The following AR variants were observed in gnomAD, a reference collection of about 807,000 sequenced individuals.
AR encodes the protein androgen receptor.
Under a neutral mutation model 53.9 loss-of-function variants are expected in AR, and 8 were observed. That is an observed-to-expected ratio of 0.15 (90% CI 0.09 to 0.27). The LOEUF (loss-of-function observed/expected upper bound fraction) is 0.27. Ranked by LOEUF, AR falls within the 10% of genes least tolerant of loss-of-function variation. The pLI, the probability that AR is intolerant of heterozygous loss-of-function variation, is 1.00. For missense variants in AR, 639 were observed against 742.5 expected, an observed-to-expected ratio of 0.86 and a Z score of 1.62; for synonymous variants, 359 against 316.4, an observed-to-expected ratio of 1.13 and a Z score of -1.43.
At chrX:67,721,611 G>A (rs1172692061) in intron 5 of AR, among the ~76,000 whole-genome samples, 4 of 111,413 alleles carry the variant, frequency 3.6e-5, no homozygotes, top group Non-Finnish European at 7.5e-5. Flanking sequence ...GAGAAGATGA[G>A]TAGTTATCAG....
chrX:67,572,647 A>G (rs184714303), intron 1 of AR, among the ~76,000 whole-genome samples: 288 of 111,464 alleles, frequency 2.6e-3, no homozygotes, highest in African/African-American at 9.0e-3. Context: ...TTTTCTATGA[A>G]CTATCAATTC....
intron 1 of AR, among the ~76,000 whole-genome samples, chrX:67,550,561 C>A (rs753100508): frequency 3.7e-5 from 4 of 109,269 alleles, no homozygotes; most frequent in Non-Finnish European, 5.7e-5. Context: ...CAGTTTCATT[C>A]GGAACCTTGC....
At chrX:67,626,918 A>G (rs1294348684) in intron 1 of AR, among the ~76,000 whole-genome samples, 1 of 103,095 alleles carries the variant, frequency 9.7e-6, no homozygotes, top group Non-Finnish European at 2.0e-5. Flanking sequence ...ACTGAGAATG[A>G]TGATTTCCAA....
At chrX:67,664,932 C>T (rs1233980556) in intron 2 of AR, among the ~76,000 whole-genome samples, 1 of 112,898 alleles carries the variant, frequency 8.9e-6, no homozygotes, top group Non-Finnish European at 1.9e-5. Context: ...AGGATATAAT[C>T]TCCTGGTGTG....
Position 67,546,090 on chromosome X carries a change from G to T in AR, c.944G>T (p.Gly315Val), listed in dbSNP as rs1364038551. ...GCTGAGTATTCCCCTTTCAAGGGAGGTTACACCAAAGGGCTAGAAGGCGAG... is the reference window on the plus strand; with the variant it reads ...GCTGAGTATTCCCCTTTCAAGGGAGTTTACACCAAAGGGCTAGAAGGCGAG... ...DTAEYSPFKGGYTKGLEGESL... is the reference protein window; with the variant it reads ...DTAEYSPFKGVYTKGLEGESL... The change falls in exon 1 of 8, where the codon GGT (glycine) becomes GTT (valine). Residue 315 changes from glycine to valine, a missense_variant. Coordinates refer to ENST00000374690, the MANE Select transcript of AR (RefSeq NM_000044.6). The T allele has an allele frequency of 8.3e-7, 1 of 1,211,205 alleles. No individual in the cohort carries two copies. The highest frequency in any genetic ancestry group is 1.1e-6 in the Non-Finnish European group (1 of 895,473).
chrX:67,626,230 C>T (rs1200490043), intron 1 of AR, among the ~76,000 whole-genome samples: 3 of 110,266 alleles, frequency 2.7e-5, no homozygotes, highest in East Asian at 2.9e-4. Context: ...AGCTACACTT[C>T]GTAGCATCTG....
At chrX:67,695,178 G>T in intron 3 of AR, 1 of 756,841 alleles carries the variant, frequency 1.3e-6, no homozygotes, top group Non-Finnish European at 1.6e-6. Flanking sequence ...AGAAGCAACT[G>T]TGTCTGTCTG....
Position 67,722,317 on chromosome X carries a change from T to A in AR, c.2449+354T>A, listed in dbSNP as rs776262185. 3 of 239,173 alleles carry A rather than the reference T, an allele frequency of 1.3e-5. No individual in the cohort carries two copies. In the East Asian group the frequency reaches 2.9e-4, roughly 23 times the overall value. 19.7% of individuals were successfully genotyped at this position (239,173 alleles called of 1,213,427 possible). A position where few individuals can be genotyped will look rare whatever the true frequency, so the allele number is the denominator to read the frequency against. ...CCACCTTGTATTCTTTGCAGGGCAG[T>A]AGAGCAGGAGGCATTTCCTCCTGGA... On this transcript the variant is annotated intron_variant, in intron 6 of 7. Transcript: ENST00000374690.
intron 2 of AR, among the ~76,000 whole-genome samples, chrX:67,660,217 A>G (rs1307449173): frequency 1.8e-5 from 2 of 112,062 alleles, no homozygotes; most frequent in Admixed American, 1.9e-4. Context: ...CTTTAGTTGA[A>G]TTAGATCCCA....
At chrX:67,715,546 C>T (rs900607824) in intron 4 of AR, among the ~76,000 whole-genome samples, 1 of 111,769 alleles carries the variant, frequency 8.9e-6, no homozygotes, top group African/African-American at 3.3e-5. Flanking sequence ...AGACCTGATC[C>T]TATGGCTGAC....
chrX:67,666,394 C>T (rs957431052), intron 2 of AR, among the ~76,000 whole-genome samples: 2 of 111,912 alleles, frequency 1.8e-5, no homozygotes, highest in African/African-American at 6.5e-5. Context: ...GACAGGATCT[C>T]TTTCTTTTTT....
chrX:67,588,016 G>T (rs1314255181), intron 1 of AR, among the ~76,000 whole-genome samples: 1 of 111,116 alleles, frequency 9.0e-6, no homozygotes, highest in East Asian at 2.8e-4. Flanking sequence ...GTCTTCCAAG[G>T]CCCCCTGTGT....
In AR at chrX:67,546,279, C is replaced by T. The variant is rs1292905043; in HGVS notation, c.1133C>T (p.Pro378Leu). Residue 378 changes from proline to leucine, a missense_variant, in exon 1 of 8, where the codon CCG (proline) becomes CTG (leucine). Coordinates refer to ENST00000374690, the MANE Select transcript of AR (RefSeq NM_000044.6). ...PLALAGPPPP[P>L]PPPHPHARIK... Reference sequence around the variant, plus strand: ...GCTCTGGCCGGACCGCCGCCCCCTCCGCCGCCTCCCCATCCCCACGCTCGC... The same window carrying T: ...GCTCTGGCCGGACCGCCGCCCCCTCTGCCGCCTCCCCATCCCCACGCTCGC... The T allele has an allele frequency of 8.3e-7, 1 of 1,205,203 alleles. No individual in the cohort carries two copies. The highest frequency in any genetic ancestry group is 3.0e-5 in the East Asian group (1 of 33,521).
At chrX:67,717,227 C>T (rs1454726644) in intron 4 of AR, among the ~76,000 whole-genome samples, 3 of 111,969 alleles carry the variant, frequency 2.7e-5, no homozygotes, top group Non-Finnish European at 5.6e-5. Context: ...TCTCTTACAA[C>T]TGACAATGCC....
chrX:67,667,576 T>C (rs1311254177), intron 2 of AR, among the ~76,000 whole-genome samples: 1 of 111,442 alleles, frequency 9.0e-6, no homozygotes, highest in Admixed American at 9.6e-5. Flanking sequence ...ATTTTAGGAT[T>C]ATTTTTTCTA....
At chrX:67,553,623 T>A (rs1930077230) in intron 1 of AR, among the ~76,000 whole-genome samples, 1 of 112,045 alleles carries the variant, frequency 8.9e-6, no homozygotes, top group African/African-American at 3.2e-5. Context: ...CTATATTAAA[T>A]CTGTAAACCA....
chrX:67,624,318 A>C (rs1924516373), intron 1 of AR, among the ~76,000 whole-genome samples: 2 of 112,126 alleles, frequency 1.8e-5, no homozygotes, highest in Middle Eastern at 9.3e-3. Context: ...ATCTAAAGTG[A>C]CCAGTGAAGA....
chrX:67,594,807 G>A (rs1321454803), intron 1 of AR, among the ~76,000 whole-genome samples: 2 of 111,283 alleles, frequency 1.8e-5, no homozygotes, highest in Non-Finnish European at 3.8e-5. Context: ...AAATTAGCTA[G>A]GCGTTGTGGT....
intron 1 of AR, among the ~76,000 whole-genome samples, chrX:67,580,193 G>A (rs955790424): frequency 9.1e-5 from 10 of 109,652 alleles, no homozygotes; most frequent in Non-Finnish European, 1.9e-4. Flanking sequence ...TCTCCAGGGG[G>A]AATTTACTGC....
Sources: allele counts gnomAD v4.1 joint callset (sites outside exome capture counted in the v4.1 genomes callset), GRCh38; gene constraint gnomAD v4.1.1; transcripts MANE v1.5; gene names NCBI Gene and HGNC (gene_info 2026-07-23, HGNC 2026-07-21).